Variants in NRG1 observed in about 807,000 individuals in gnomAD.
The protein encoded by NRG1 is pro-neuregulin-1, membrane-bound isoform.
A neutral mutation model predicts 63.8 loss-of-function variants in NRG1; 18 were observed. The ratio of observed to expected loss-of-function variants is 0.28; its 90% CI spans 0.19 to 0.42. NRG1 has a LOEUF of 0.42. NRG1 is among the 10% of genes least tolerant of loss of function. The pLI, the probability that NRG1 is intolerant of heterozygous loss-of-function variation, is 1.00. For synonymous variants in NRG1, 302 were observed against 301.3 expected, an observed-to-expected ratio of 1.00 and a Z score of -0.02; for missense variants, 762 against 814.7, an observed-to-expected ratio of 0.94 and a Z score of 0.79.
chr8:32,064,332 T>A (rs1224865801), intron 1 of NRG1, among the ~76,000 whole-genome samples: 1 of 152,044 alleles, frequency 6.6e-6, no homozygotes, highest in East Asian at 1.9e-4. Flanking sequence ...AGCAGGGAGT[T>A]AGGGCAGACT....
At chr8:32,187,531 C>T (rs1193032354) in intron 1 of NRG1, among the ~76,000 whole-genome samples, 1 of 152,082 alleles carries the variant, frequency 6.6e-6, no homozygotes, top group Non-Finnish European at 1.5e-5. Context: ...AGGGCATCAC[C>T]CTCCATAAGT....
At position 31,962,723 on chromosome 8, in the gene NRG1, C is replaced by T. The variant is rs140530397; in HGVS notation, c.37+323292C>T. Among the ~76,000 whole-genome samples, 360 of 152,288 alleles carry T rather than the reference C, an allele frequency of 2.4e-3. 1 individual carries two copies. Among genetic ancestry groups the T allele is most frequent in the African/African-American group, 8.2e-3 (341 of 41,564 alleles). On this transcript the variant is annotated intron_variant, in intron 1 of 10. Transcript: ENST00000519301. ...TATCTAATTCATTTAAGTCCTGTTTCTTCCCAGGACTGCTGGGTATAAGCC... is the reference window on the plus strand; with the variant it reads ...TATCTAATTCATTTAAGTCCTGTTTTTTCCCAGGACTGCTGGGTATAAGCC...
intron 1 of NRG1, among the ~76,000 whole-genome samples, chr8:32,120,552 C>T (rs904633306): frequency 1.3e-5 from 2 of 152,058 alleles, no homozygotes; most frequent in African/African-American, 4.8e-5. Context: ...TGCTGGACTG[C>T]AATCACCTTT....
At position 32,631,432 on chromosome 8, in the gene NRG1, A is replaced by G. The variant is rs375016643; in HGVS notation, c.502+14547A>G. 4.6e-5 allele frequency among the ~76,000 whole-genome samples: 7 copies of G among 152,284 alleles called. No individual in the cohort carries two copies. In the East Asian group the frequency reaches 9.7e-4, roughly 21 times the overall value. On this transcript the variant is annotated intron_variant, in intron 5 of 11. Transcript: ENST00000356819. ...ATGCACTGGCAATGATCCTATTGCCAATAGCTTAGAGCCTACTGCTGCTGG... is the reference window on the plus strand; with the variant it reads ...ATGCACTGGCAATGATCCTATTGCCGATAGCTTAGAGCCTACTGCTGCTGG...
At chr8:32,300,787 G>C (rs1328235245) in intron 1 of NRG1, among the ~76,000 whole-genome samples, 1 of 152,212 alleles carries the variant, frequency 6.6e-6, no homozygotes, top group Non-Finnish European at 1.5e-5. Flanking sequence ...GGGGTTGACA[G>C]CCAGTATATG....
chr8:31,731,417 T>TACACACACACACACACACACACAC (rs139927733), intron 1 of NRG1, among the ~76,000 whole-genome samples: 2 of 148,312 alleles, frequency 1.3e-5, no homozygotes, highest in African/African-American at 5.0e-5. Context: ...AATTATGTCA[T>TACACACACACACACACACACACAC]ACACACACAC....
chr8:31,907,513 G>A (rs550217925), intron 1 of NRG1, among the ~76,000 whole-genome samples: 19 of 152,096 alleles, frequency 1.2e-4, no homozygotes, highest in Non-Finnish European at 2.6e-4. Context: ...TGATACTTTA[G>A]AAGGCTTACC....
At chr8:32,440,035 T>G (rs1375930183) in intron 1 of NRG1, among the ~76,000 whole-genome samples, 1 of 152,172 alleles carries the variant, frequency 6.6e-6, no homozygotes, top group Non-Finnish European at 1.5e-5. Flanking sequence ...TCCTCCTGGC[T>G]GGGGAGGCCT....
At chr8:32,751,268 G>GT (rs1404156672) in intron 7 of NRG1, 3 of 152,160 alleles carry the variant, frequency 2.0e-5, no homozygotes, top group African/African-American at 7.2e-5. Flanking sequence ...ACTCAGAAAG[G>GT]TAAGGGCTCT....
intron 1 of NRG1, among the ~76,000 whole-genome samples, chr8:32,179,859 C>T (rs761608521): frequency 3.9e-5 from 6 of 152,018 alleles, no homozygotes; most frequent in Non-Finnish European, 7.4e-5. Context: ...TGCATTTAAT[C>T]GGAGCATCTT....
At chr8:32,055,800 A>T (rs1822829832) in intron 1 of NRG1, among the ~76,000 whole-genome samples, 1 of 152,160 alleles carries the variant, frequency 6.6e-6, no homozygotes, top group African/African-American at 2.4e-5. Flanking sequence ...GGCTACCCAG[A>T]TAGAGCCCCC....
chr8:32,528,360 G>T (rs1293851655), intron 1 of NRG1, among the ~76,000 whole-genome samples: 3 of 152,182 alleles, frequency 2.0e-5, no homozygotes, highest in East Asian at 1.9e-4. Flanking sequence ...CAAGTTATAG[G>T]CATGTGGTAA....
At chr8:32,128,300 T>C (rs759886239) in intron 1 of NRG1, among the ~76,000 whole-genome samples, 2 of 151,950 alleles carry the variant, frequency 1.3e-5, no homozygotes, top group Non-Finnish European at 2.9e-5. Flanking sequence ...TATGCAGTGA[T>C]GCCTTCCCCC....
intron 1 of NRG1, among the ~76,000 whole-genome samples, chr8:32,461,337 G>T (rs1048946092): frequency 2.6e-5 from 4 of 152,010 alleles, no homozygotes; most frequent in Non-Finnish European, 5.9e-5. Flanking sequence ...CTTCTAAAAC[G>T]GCCTATTATA....
chr8:31,725,895 T>C (rs1813385360), intron 1 of NRG1, among the ~76,000 whole-genome samples: 3 of 152,304 alleles, frequency 2.0e-5, no homozygotes, highest in Admixed American at 6.5e-5. Flanking sequence ...GTAGTCGCTG[T>C]AATTGTATTG....
Position 31,872,312 on chromosome 8 carries a change from A to AT in NRG1, c.37+232890dup, listed in dbSNP as rs751355990. On this transcript the variant is annotated intron_variant, in intron 1 of 10. Coordinates refer to the NRG1 transcript ENST00000519301. ...GCCCTTCCACTTTTATCCTTTTACCATTTTTTTTTATTGGCCTCAGTACTG... is the reference window on the plus strand; with the variant it reads ...GCCCTTCCACTTTTATCCTTTTACCATTTTTTTTTTATTGGCCTCAGTACTG... 4.0e-3 allele frequency among the ~76,000 whole-genome samples: 604 copies of AT among 150,730 alleles called. 4 individuals are homozygous for AT. Among genetic ancestry groups the AT allele is most frequent in the African/African-American group, 0.014 (565 of 41,174 alleles).
intron 9 of NRG1, among the ~76,000 whole-genome samples, chr8:32,758,187 G>A (rs1029302069): frequency 6.6e-6 from 1 of 151,988 alleles, no homozygotes; most frequent in Admixed American, 6.6e-5. Flanking sequence ...AACTCAATTT[G>A]GTATAAATAC....
chr8:31,757,802 G>C (rs73590132), intron 1 of NRG1, among the ~76,000 whole-genome samples: 1 of 151,888 alleles, frequency 6.6e-6, no homozygotes, highest in Non-Finnish European at 1.5e-5. Flanking sequence ...AAAGTATTAA[G>C]TTCAATAAAT....
At chr8:32,733,258 A>G (rs1365910566) in intron 6 of NRG1, among the ~76,000 whole-genome samples, 6 of 152,210 alleles carry the variant, frequency 3.9e-5, no homozygotes, top group Non-Finnish European at 7.3e-5. Context: ...ACAAAAAACA[A>G]ACTAAATTTG....
Sources: allele counts gnomAD v4.1 joint callset (sites outside exome capture counted in the v4.1 genomes callset), GRCh38; gene constraint gnomAD v4.1.1; transcripts MANE v1.5; gene names NCBI Gene and HGNC (gene_info 2026-07-23, HGNC 2026-07-21).